CTNNA2: variants seen among roughly 807,000 people sequenced by gnomAD.
CTNNA2 encodes catenin alpha-2.
Under a neutral mutation model 101.0 loss-of-function variants are expected in CTNNA2, and 42 were observed. That is an observed-to-expected ratio of 0.42 (90% CI 0.32 to 0.54). CTNNA2 has a LOEUF of 0.54. Ranked by LOEUF, CTNNA2 falls within the 20% of genes least tolerant of loss-of-function variation. The probability of loss-of-function intolerance (pLI) is 0.14; values close to 1 mark genes in which losing one functional copy is unlikely to be tolerated. For synonymous variants in CTNNA2, 450 were observed against 456.4 expected, an observed-to-expected ratio of 0.99 and a Z score of 0.18; for missense variants, 871 against 1,223.1, an observed-to-expected ratio of 0.71 and a Z score of 4.29.
intron 4 of CTNNA2, among the ~76,000 whole-genome samples, chr2:79,495,414 A>G (rs530522129): frequency 6.6e-6 from 1 of 152,326 alleles, no homozygotes; most frequent in African/African-American, 2.4e-5. Context: ...GAAAACCAAA[A>G]GGAGATACCA....
intron 8 of CTNNA2, among the ~76,000 whole-genome samples, chr2:80,412,346 T>C (rs914495697): frequency 2.6e-5 from 4 of 152,238 alleles, no homozygotes; most frequent in Non-Finnish European, 4.4e-5. Context: ...CTTGTCTCTT[T>C]GTTATAACAT....
At chr2:79,631,233 C>G (rs952901636) in intron 1 of CTNNA2, among the ~76,000 whole-genome samples, 27 of 152,136 alleles carry the variant, frequency 1.8e-4, no homozygotes, top group African/African-American at 6.0e-4. Flanking sequence ...TTTTATCTGT[C>G]TGTTGAATCA....
chr2:80,201,169 A>G lies in CTNNA2; in HGVS notation c.1057-192042A>G, dbSNP rs574735391. ...TACTGAATTGTCTTTTATTTGTATT[A>G]TTTTTATTATTGTATTGTTATTTTT... On this transcript the variant is annotated intron_variant, in intron 7 of 18. Transcript: ENST00000402739. Among the ~76,000 whole-genome samples, 7 of 151,924 alleles carry G rather than the reference A, an allele frequency of 4.6e-5. No homozygotes were observed. In the South Asian group the frequency reaches 1.5e-3, roughly 32 times the overall value.
chr2:79,938,920 C>A (rs558853376), intron 7 of CTNNA2, among the ~76,000 whole-genome samples: 1 of 152,268 alleles, frequency 6.6e-6, no homozygotes, highest in African/African-American at 2.4e-5. Context: ...CTTTGGTTCT[C>A]TAAGGCTCTT....
In CTNNA2 at chr2:79,835,684, T is replaced by G. The variant is rs1035447643; in HGVS notation, c.299-22329T>G. 7.3e-3 allele frequency among the ~76,000 whole-genome samples: 967 copies of G among 132,922 alleles called. 24 individuals carry two copies. Among genetic ancestry groups the G allele is most frequent in the African/African-American group, 0.026 (911 of 34,868 alleles). 87.2% of individuals were successfully genotyped at this position (132,922 alleles called of 152,430 possible). On this transcript the variant is annotated intron_variant, in intron 3 of 18. Coordinates refer to ENST00000402739, the MANE Select transcript of CTNNA2 (RefSeq NM_001282597.3). ...TCTCTTTGTTTTTTTTTTTTTTTTT[T>G]TTTTTTTTTTTTTTTTTTTGAGACA...
chr2:80,289,790 G>A (rs934176888), intron 7 of CTNNA2, among the ~76,000 whole-genome samples: 2 of 152,130 alleles, frequency 1.3e-5, no homozygotes, highest in Non-Finnish European at 2.9e-5. Context: ...ATACGGTAGG[G>A]AAAAAAGTCA....
intron 2 of CTNNA2, among the ~76,000 whole-genome samples, chr2:79,665,210 T>A (rs1225318368): frequency 6.6e-6 from 1 of 152,172 alleles, no homozygotes; most frequent in Non-Finnish European, 1.5e-5. Context: ...ATCCTTTTGT[T>A]CTTATGTTAG....
At chr2:80,347,134 G>A (rs1287559056) in intron 7 of CTNNA2, among the ~76,000 whole-genome samples, 2 of 152,168 alleles carry the variant, frequency 1.3e-5, no homozygotes, top group African/African-American at 4.8e-5. Context: ...AGCAATCAGC[G>A]AGCACCGCAG....
intron 7 of CTNNA2, among the ~76,000 whole-genome samples, chr2:80,206,536 CA>C (rs1225892259): frequency 6.6e-6 from 1 of 152,192 alleles, no homozygotes; most frequent in Non-Finnish European, 1.5e-5. Flanking sequence ...GGAGAAGCAA[CA>C]AAAACACAGT....
intron 7 of CTNNA2, among the ~76,000 whole-genome samples, chr2:80,041,797 C>A (rs1696077715): frequency 6.6e-6 from 1 of 152,144 alleles, no homozygotes; most frequent in Non-Finnish European, 1.5e-5. Context: ...ATAACTGAAG[C>A]ATTGCTTCTA....
chr2:79,189,009 C>T (rs1673818182), intron 1 of CTNNA2, among the ~76,000 whole-genome samples: 1 of 152,144 alleles, frequency 6.6e-6, no homozygotes, highest in African/African-American at 2.4e-5. Flanking sequence ...CCGGTCAATA[C>T]AGTGTCTGAC....
intron 2 of CTNNA2, among the ~76,000 whole-genome samples, chr2:79,226,147 C>A (rs1373099607): frequency 6.6e-6 from 1 of 152,112 alleles, no homozygotes; most frequent in East Asian, 1.9e-4. Flanking sequence ...CATCTTTATT[C>A]TTTCAAAAAC....
At chr2:79,897,591 G>A (rs767401622) in intron 6 of CTNNA2, among the ~76,000 whole-genome samples, 3 of 152,098 alleles carry the variant, frequency 2.0e-5, no homozygotes, top group Non-Finnish European at 4.4e-5. Flanking sequence ...TTTCAAATGA[G>A]GAAGCTGAGA....
chr2:79,412,337 G>A (rs755149941), intron 4 of CTNNA2, among the ~76,000 whole-genome samples: 54 of 151,548 alleles, frequency 3.6e-4, no homozygotes, highest in Non-Finnish European at 6.0e-4. Flanking sequence ...ACAGATCAAC[G>A]AGACAGAAAG....
intron 3 of CTNNA2, among the ~76,000 whole-genome samples, chr2:79,343,013 G>T (rs141909488): frequency 1.3e-5 from 2 of 152,180 alleles, no homozygotes; most frequent in Non-Finnish European, 2.9e-5. Context: ...AATGTTCACT[G>T]ACTTGGATCT....
At chr2:79,203,018 T>C (rs368853111) in intron 2 of CTNNA2, among the ~76,000 whole-genome samples, 1 of 152,364 alleles carries the variant, frequency 6.6e-6, no homozygotes, top group East Asian at 1.9e-4. Flanking sequence ...AATTTCTCAG[T>C]TGACAGCTTA....
At chr2:79,408,374 T>C (rs12471090) in intron 4 of CTNNA2, among the ~76,000 whole-genome samples, 40,138 of 150,348 alleles carry the variant, frequency 0.27, 5,577 homozygotes, top group South Asian at 0.45. Flanking sequence ...TACATATGTA[T>C]ACATGTGCCA....
At chr2:80,246,430 A>G (rs1029222652) in intron 7 of CTNNA2, among the ~76,000 whole-genome samples, 1 of 152,254 alleles carries the variant, frequency 6.6e-6, no homozygotes, top group Non-Finnish European at 1.5e-5. Context: ...TTTTGCTGGT[A>G]CAGAAATAAC....
chr2:79,280,622 G>GCT (rs1675339142), intron 2 of CTNNA2, among the ~76,000 whole-genome samples: 1 of 75,366 alleles, frequency 1.3e-5, no homozygotes, highest in Non-Finnish European at 2.5e-5. Flanking sequence ...CATCCTGTAT[G>GCT]CTGTGTGTGT....
Sources: allele counts gnomAD v4.1 joint callset (sites outside exome capture counted in the v4.1 genomes callset), GRCh38; gene constraint gnomAD v4.1.1; transcripts MANE v1.5; gene names NCBI Gene and HGNC (gene_info 2026-07-23, HGNC 2026-07-21).